Variants in PDLIM5 observed in about 807,000 individuals in gnomAD.
PDLIM5 encodes the protein PDZ and LIM domain protein 5.
Under a neutral mutation model 64.2 loss-of-function variants are expected in PDLIM5, and 34 were observed. The ratio of observed to expected loss-of-function variants is 0.53; its 90% confidence interval spans 0.40 to 0.71. The LOEUF (loss-of-function observed/expected upper bound fraction) is 0.71, where lower values mean the gene tolerates loss of function less well. Among genes scored for constraint, PDLIM5 ranks in the 30% least tolerant of loss-of-function variants. PDLIM5 has a pLI of 0.00. For missense variants in PDLIM5, 683 were observed against 733.6 expected, an observed-to-expected ratio of 0.93 and a Z score of 0.80; for synonymous variants, 253 against 269.1, an observed-to-expected ratio of 0.94 and a Z score of 0.59.
At chr4:94,656,054 T>G (rs750713856) in intron 10 of PDLIM5, among the ~76,000 whole-genome samples, 7 of 152,220 alleles carry the variant, frequency 4.6e-5, no homozygotes, top group Non-Finnish European at 1.0e-4. Flanking sequence ...CATTTTATTT[T>G]GATATTTTTT....
chr4:94,507,247 C>A (rs537144657), intron 2 of PDLIM5, among the ~76,000 whole-genome samples: 2 of 151,948 alleles, frequency 1.3e-5, no homozygotes, highest in East Asian at 1.9e-4. Context: ...ATATATATAT[C>A]TCCTGTTGGT....
chr4:94,582,903 C>CAG (rs1735851810), intron 5 of PDLIM5: 3 of 581,000 alleles, frequency 5.2e-6, no homozygotes, highest in Non-Finnish European at 9.1e-6. Flanking sequence ...TTGTATGCAT[C>CAG]AGAGGTATGT....
intron 7 of PDLIM5, among the ~76,000 whole-genome samples, chr4:94,612,922 TC>T (rs1464372970): frequency 4.6e-5 from 7 of 151,006 alleles, no homozygotes; most frequent in Non-Finnish European, 1.0e-4. Flanking sequence ...AATATATTTT[TC>T]CATTAAAATA....
intron 3 of PDLIM5, among the ~76,000 whole-genome samples, chr4:94,528,418 A>G (rs1477104557): frequency 6.6e-6 from 1 of 152,210 alleles, no homozygotes; most frequent in African/African-American, 2.4e-5. Context: ...GCTAATAGTC[A>G]TACCTAGCAC....
intron 7 of PDLIM5, among the ~76,000 whole-genome samples, chr4:94,615,588 G>C (rs911446767): frequency 1.3e-5 from 2 of 152,192 alleles, no homozygotes; most frequent in African/African-American, 2.4e-5. Flanking sequence ...AGTGATAGGA[G>C]ATAAGATTAG....
chr4:94,646,379 G>C (rs1741414064), intron 9 of PDLIM5, among the ~76,000 whole-genome samples: 1 of 152,190 alleles, frequency 6.6e-6, no homozygotes, highest in Non-Finnish European at 1.5e-5. Context: ...TGGAGAAGAT[G>C]GCCATCTATA....
At chr4:94,610,198 G>T in intron 7 of PDLIM5, 1 of 1,525,734 alleles carries the variant, frequency 6.6e-7, no homozygotes, top group Non-Finnish European at 8.8e-7. Flanking sequence ...AGATTCTTTC[G>T]AAGGTTTTCG....
At chr4:94,454,640 T>TA (rs1380758171) in intron 1 of PDLIM5, among the ~76,000 whole-genome samples, 2 of 152,200 alleles carry the variant, frequency 1.3e-5, no homozygotes, top group African/African-American at 4.8e-5. Context: ...GATATCACTT[T>TA]AAGTGTGGAA....
At chr4:94,627,179 C>G (rs1425421629) in intron 8 of PDLIM5, among the ~76,000 whole-genome samples, 2 of 152,220 alleles carry the variant, frequency 1.3e-5, no homozygotes, top group East Asian at 1.9e-4. Context: ...CCGTAAAGCC[C>G]TGACTGGAGC....
At chr4:94,649,246 G>A (rs1343766110) in intron 9 of PDLIM5, among the ~76,000 whole-genome samples, 1 of 152,088 alleles carries the variant, frequency 6.6e-6, no homozygotes, top group Non-Finnish European at 1.5e-5. Context: ...AAAGTGCTGG[G>A]ATTACAGGCG....
chr4:94,466,938 T>A (rs1312389152), intron 2 of PDLIM5, among the ~76,000 whole-genome samples: 1 of 152,234 alleles, frequency 6.6e-6, no homozygotes, highest in African/African-American at 2.4e-5. Flanking sequence ...GAGAAATCCT[T>A]GGCTATACTA....
At chr4:94,587,883 CAT>C in intron 7 of PDLIM5, 1 of 883,580 alleles carries the variant, frequency 1.1e-6, no homozygotes, top group Non-Finnish European at 1.4e-6. Context: ...ATCAGAAGAA[CAT>C]AAAATAAATT....
Position 94,666,356 on chromosome 4 carries a change from A to G in PDLIM5, c.*2289A>G, listed in dbSNP as rs190760822. The G allele has an allele frequency of 8.6e-5, 21 of 245,514 alleles. No homozygotes were observed. The highest frequency in any genetic ancestry group is 4.0e-4 in the African/African-American group (18 of 45,068). The allele number at this position is 245,514 out of a possible 1,614,324, so 15.2% of individuals were successfully genotyped here. On this transcript the variant is annotated 3_prime_UTR_variant, in exon 13 of 13. Transcript: ENST00000317968. The stretch of plus-strand genomic sequence containing the variant: ...GAATACTTCTCCAATAGCAACCCCA[A>G]GCTACCTCCTCACCCTGCATCTTGG...
chr4:94,466,817 C>T (rs1262593717), intron 2 of PDLIM5, among the ~76,000 whole-genome samples: 1 of 152,156 alleles, frequency 6.6e-6, no homozygotes, highest in Non-Finnish European at 1.5e-5. Context: ...ATGCTGTAAA[C>T]ACCTTTATGA....
At chr4:94,663,404 C>T (rs924991403) in intron 12 of PDLIM5, among the ~76,000 whole-genome samples, 25 of 152,008 alleles carry the variant, frequency 1.6e-4, no homozygotes, top group Non-Finnish European at 2.9e-4. Flanking sequence ...ATAGGAAGAA[C>T]AAGGAGCTGT....
At chr4:94,494,581 T>C (rs1179775950) in intron 2 of PDLIM5, among the ~76,000 whole-genome samples, 1 of 147,320 alleles carries the variant, frequency 6.8e-6, no homozygotes, top group Non-Finnish European at 1.5e-5. Context: ...CTGTGATTAC[T>C]GGCTCCTGCC....
At chr4:94,652,232 T>A (rs1370233844) in intron 9 of PDLIM5, among the ~76,000 whole-genome samples, 1 of 152,198 alleles carries the variant, frequency 6.6e-6, no homozygotes. Flanking sequence ...CAAATAAGAA[T>A]ACTAGCCTCA....
intron 2 of PDLIM5, among the ~76,000 whole-genome samples, chr4:94,496,519 TC>T (rs1727412262): frequency 6.6e-6 from 1 of 152,188 alleles, no homozygotes; most frequent in Admixed American, 6.5e-5. Flanking sequence ...AGACACAGTC[TC>T]AGTCTGTTGC....
intron 2 of PDLIM5, among the ~76,000 whole-genome samples, chr4:94,497,728 A>T (rs1727530646): frequency 6.6e-6 from 1 of 152,208 alleles, no homozygotes; most frequent in South Asian, 2.1e-4. Flanking sequence ...GTTTTGTGTT[A>T]ACTGTGTGTG....
Sources: gnomAD v4.1 joint callset for allele counts (sites outside exome capture counted in the v4.1 genomes callset) on GRCh38, gnomAD v4.1.1 for gene constraint, MANE v1.5 for transcripts, NCBI Gene and HGNC (gene_info 2026-07-23, HGNC 2026-07-21) for gene names.